Variants in SYT16 observed in about 807,000 individuals in gnomAD.
SYT16 encodes synaptotagmin-16.
SYT16 carries 42 observed loss-of-function variants against 61.4 expected under a neutral mutation model. The observed-to-expected ratio is 0.68, with a 90% CI of 0.53 to 0.89. The LOEUF is 0.89. Ranked by LOEUF, SYT16 falls within the 40% of genes least tolerant of loss-of-function variation. The pLI is 0.00. For synonymous variants in SYT16, 314 were observed against 302.3 expected (o/e 1.04, Z -0.40); for missense variants, 804 against 807.3 (o/e 1.00, Z 0.05).
At position 62,100,444 on chromosome 14, in the gene SYT16, C is replaced by A; in HGVS notation, c.1675C>A (p.Arg559Ser). Reference sequence around the variant, plus strand: ...CAATTCTGTGGGTCAAGAGATGTCCCGTTGCAAGACGTCCATTCGGCGTGG... The same window carrying A: ...CAATTCTGTGGGTCAAGAGATGTCCAGTTGCAAGACGTCCATTCGGCGTGG... ...LLNSVGQEMSRCKTSIRRGQP... is the reference protein window; with the variant it reads ...LLNSVGQEMSSCKTSIRRGQP... The change falls in exon 8 of 8, where the codon CGT becomes AGT. Residue 559 changes from arginine to serine, a missense_variant. Physicochemically the swap from Arg to Ser is moderately radical, Grantham distance 110. Coordinates refer to ENST00000683842, the MANE Select transcript of SYT16 (RefSeq NM_001367656.1). 2 of 1,613,082 alleles carry A rather than the reference C, an allele frequency of 1.2e-6. No individual in the cohort carries two copies. The highest frequency in any genetic ancestry group is 1.7e-6 in the Non-Finnish European group (2 of 1,179,526).
intron 3 of SYT16, among the ~76,000 whole-genome samples, chr14:62,011,870 T>TACACACACACACACACAC (rs1351640578): frequency 1.7e-4 from 21 of 124,032 alleles, no homozygotes; most frequent in African/African-American, 3.5e-4. Flanking sequence ...GGGAACACTA[T>TACACACACACACACACAC]ATATACACAC....
At chr14:61,922,419 A>G (rs1350071212) in intron 1 of SYT16, among the ~76,000 whole-genome samples, 2 of 152,206 alleles carry the variant, frequency 1.3e-5, no homozygotes, top group African/African-American at 4.8e-5. Flanking sequence ...TCCTTAGCAA[A>G]TTAACTCAGG....
At chr14:61,977,614 TGACACATGGGGATTACAGG>T (rs2051872970) in intron 2 of SYT16, among the ~76,000 whole-genome samples, 1 of 152,104 alleles carries the variant, frequency 6.6e-6, no homozygotes, top group South Asian at 2.1e-4. Flanking sequence ...GTCTCTCCCT[TGACACATGGGGATTACAGG>T]GATTATGGGG....
chr14:61,832,498 G>C (rs1186182199), intron 1 of SYT16: 1 of 335,802 alleles, frequency 3.0e-6, no homozygotes, highest in South Asian at 2.4e-5. Flanking sequence ...GCGCAGAGGC[G>C]TGATCTCAGC....
At chr14:62,018,047 C>A (rs2053763186) in intron 3 of SYT16, among the ~76,000 whole-genome samples, 2 of 151,992 alleles carry the variant, frequency 1.3e-5, no homozygotes, top group African/African-American at 4.8e-5. Context: ...TTCTCTGTAT[C>A]CATCTCTCCC....
At chr14:62,089,360 G>T (rs1003867435) in intron 7 of SYT16, among the ~76,000 whole-genome samples, 2 of 151,822 alleles carry the variant, frequency 1.3e-5, no homozygotes, top group Non-Finnish European at 2.9e-5. Flanking sequence ...GAACCTGAGG[G>T]TATCTTTTCT....
intron 3 of SYT16, among the ~76,000 whole-genome samples, chr14:62,004,765 T>C (rs1389429577): frequency 6.6e-6 from 1 of 152,238 alleles, no homozygotes; most frequent in Non-Finnish European, 1.5e-5. Context: ...GGTTCCCCTC[T>C]TGGCATCTTT....
At chr14:61,944,825 T>A (rs1047892549) in intron 1 of SYT16, among the ~76,000 whole-genome samples, 8 of 152,180 alleles carry the variant, frequency 5.3e-5, no homozygotes, top group African/African-American at 1.2e-4. Flanking sequence ...GACATAGACA[T>A]GGCCAAAGAC....
intron 1 of SYT16, among the ~76,000 whole-genome samples, chr14:61,870,940 C>A (rs2140303631): frequency 1.3e-5 from 2 of 152,266 alleles, no homozygotes; most frequent in Middle Eastern, 3.4e-3. Context: ...CACTCCCACT[C>A]CCCATTTTTC....
At chr14:62,022,617 TACAC>T (rs34287414) in intron 3 of SYT16, among the ~76,000 whole-genome samples, 2,522 of 149,818 alleles carry the variant, frequency 0.017, 44 homozygotes, top group African/African-American at 0.047. Context: ...TAATTTGTAT[TACAC>T]ACACACACAC....
intron 1 of SYT16, among the ~76,000 whole-genome samples, chr14:61,964,500 C>CAGATGAAA (rs2051233453): frequency 6.6e-6 from 1 of 152,146 alleles, no homozygotes; most frequent in Non-Finnish European, 1.5e-5. Flanking sequence ...CAAACTTGAA[C>CAGATGAAA]AGATGAAAAG....
intron 1 of SYT16, among the ~76,000 whole-genome samples, chr14:61,858,857 TTC>T (rs2046864787): frequency 1.3e-5 from 2 of 149,436 alleles, no homozygotes; most frequent in African/African-American, 5.0e-5. Flanking sequence ...TTCTTTTCTT[TTC>T]TTTTTTTTTT....
intron 3 of SYT16, among the ~76,000 whole-genome samples, chr14:62,049,468 C>T (rs996805908): frequency 6.6e-6 from 1 of 152,100 alleles, no homozygotes; most frequent in Non-Finnish European, 1.5e-5. Flanking sequence ...AGCATTTAGC[C>T]CATTTACATT....
chr14:61,846,911 TAAAC>T (rs1209563829), intron 1 of SYT16, among the ~76,000 whole-genome samples: 1 of 152,216 alleles, frequency 6.6e-6, no homozygotes, highest in Non-Finnish European at 1.5e-5. Context: ...ACTATTTGCA[TAAAC>T]AAACAAGCAA....
rs1457436931 is a variant in SYT16, at chr14:61,996,390, C to T, written c.371C>T (p.Pro124Leu). The T allele has an allele frequency of 3.1e-6, 5 of 1,613,472 alleles. No individual in the cohort carries two copies. The highest frequency in any genetic ancestry group is 4.2e-6 in the Non-Finnish European group (5 of 1,179,578). The change falls in exon 3 of 8, where the codon CCC (proline) becomes CTC (leucine). Residue 124 changes from proline (P) to leucine (L), a missense_variant. By Grantham distance (98) the Pro-to-Leu change is moderately conservative. Coordinates refer to ENST00000683842, the MANE Select transcript of SYT16 (RefSeq NM_001367656.1). ...TCATGTTCCACAATGTCCCAGTGGC[C>T]CAATTGGGCCAGTGATGACCGCAAG... ...KDSCSTMSQW[P>L]NWASDDRKLP...
At chr14:61,929,842 T>C (rs1274325628) in intron 1 of SYT16, among the ~76,000 whole-genome samples, 1 of 152,258 alleles carries the variant, frequency 6.6e-6, no homozygotes, top group East Asian at 1.9e-4. Context: ...TTGCCTTTTT[T>C]TAAAACTGAA....
chr14:62,076,135 G>A (rs942027580), intron 5 of SYT16, among the ~76,000 whole-genome samples: 2 of 152,170 alleles, frequency 1.3e-5, no homozygotes, highest in African/African-American at 2.4e-5. Context: ...ATATATGCCA[G>A]GCACTGTGAT....
intron 1 of SYT16, among the ~76,000 whole-genome samples, chr14:61,817,880 A>G (rs1050778414): frequency 2.6e-5 from 4 of 152,370 alleles, no homozygotes; most frequent in Non-Finnish European, 5.9e-5. Flanking sequence ...GTGCATTTAT[A>G]TGTATATGTG....
At chr14:62,005,354 G>C (rs1306485579) in intron 3 of SYT16, among the ~76,000 whole-genome samples, 1 of 152,056 alleles carries the variant, frequency 6.6e-6, no homozygotes, top group Non-Finnish European at 1.5e-5. Flanking sequence ...TTCAGCTTCA[G>C]GTCTGGGATA....
Sources: allele counts gnomAD v4.1 joint callset (sites outside exome capture counted in the v4.1 genomes callset), GRCh38; gene constraint gnomAD v4.1.1; transcripts MANE v1.5; gene names NCBI Gene and HGNC (gene_info 2026-07-23, HGNC 2026-07-21).